SMYD4: variants seen among roughly 807,000 people sequenced by gnomAD.
SMYD4 encodes SET and MYND domain containing 4.
In SMYD4, 68 loss-of-function variants were observed where a neutral mutation model predicts 72.8. The observed-to-expected ratio is 0.93, with a 90% CI of 0.77 to 1.14. The LOEUF is 1.14. Ranked by LOEUF, SMYD4 falls within the 50% of genes most tolerant of loss-of-function variation. The pLI, the probability that SMYD4 is intolerant of heterozygous loss-of-function variation, is 0.00. For synonymous variants in SMYD4, 407 were observed against 388.6 expected (o/e 1.05, Z -0.56); for missense variants, 984 against 1,003.7 (o/e 0.98, Z 0.27).
chr17:1,805,704 C>T lies in SMYD4; in HGVS notation c.280-989G>A, dbSNP rs555174340. Among the ~76,000 whole-genome samples, 97 of 151,516 alleles carry T rather than the reference C, an allele frequency of 6.4e-4. 3 individuals are homozygous for T. The highest frequency in any genetic ancestry group is 2.4e-3 in the African/African-American group (97 of 41,246). ...GCGCACGCCTGTAATCCCAGTTACT[C>T]GGGTGGGTGAGGCAGGAGAATTGCT... On this transcript the variant is annotated intron_variant, in intron 3 of 10. Transcript: ENST00000305513.
At chr17:1,803,574 A>G (rs1909880228) in intron 4 of SMYD4, among the ~76,000 whole-genome samples, 1 of 151,886 alleles carries the variant, frequency 6.6e-6, no homozygotes, top group African/African-American at 2.4e-5. Context: ...TCACTGACTC[A>G]CTGCAACATC....
chr17:1,781,702 T>C (rs1216834373), intron 10 of SMYD4: 4 of 232,862 alleles, frequency 1.7e-5, no homozygotes, highest in Non-Finnish European at 3.1e-5. Context: ...GAGACAAGAG[T>C]TTCACTCTTG....
intron 2 of SMYD4, among the ~76,000 whole-genome samples, chr17:1,819,702 A>T (rs975326212): frequency 1.3e-5 from 2 of 152,164 alleles, no homozygotes; most frequent in Non-Finnish European, 2.9e-5. Context: ...ATTAGCTGGC[A>T]ATCTTTGGTA....
At position 1,786,893 on chromosome 17, in the gene SMYD4, C is replaced by A. The variant is rs1215155914; in HGVS notation, c.1801G>T (p.Ala601Ser). Reference sequence around the variant, plus strand: ...ATCCTGTGTGCCTCAGTTTGACAAGCTGGACAGGCGCAGTCAAAGAAATAC... The same window carrying A: ...ATCCTGTGTGCCTCAGTTTGACAAGATGGACAGGCGCAGTCAAAGAAATAC... Reference protein sequence around the residue: ...SQYFFDCACPACQTEAHRMAA... With the variant: ...SQYFFDCACPSCQTEAHRMAA... The change falls in exon 7 of 11, where the codon GCT becomes TCT. Residue 601 changes from alanine (A) to serine (S), a missense_variant. Physicochemically the swap from Ala to Ser is moderately conservative, Grantham distance 99. Transcript: ENST00000305513. 6.2e-7 allele frequency: 1 copy of A among 1,614,222 alleles called. No homozygotes were observed.
In SMYD4 at chr17:1,820,655, T is replaced by A. The variant is rs114366916; in HGVS notation, c.134+7206A>T. ...TAAAAACAAACAATAAGCCTGTGAA[T>A]GTGGATAGTGAAGCTATTAAGAATT... On this transcript the variant is annotated intron_variant, in intron 2 of 10. Coordinates refer to ENST00000305513, the MANE Select transcript of SMYD4 (RefSeq NM_052928.3). 3.2e-3 allele frequency among the ~76,000 whole-genome samples: 493 copies of A among 152,268 alleles called. 4 individuals carry two copies. The highest frequency in any genetic ancestry group is 0.011 in the African/African-American group (463 of 41,552).
chr17:1,809,337 A>G (rs535780714), intron 3 of SMYD4, among the ~76,000 whole-genome samples: 33 of 152,190 alleles, frequency 2.2e-4, no homozygotes, highest in African/African-American at 7.5e-4. Context: ...AAGCAGGACA[A>G]TAAGAGTCAT....
At chr17:1,789,385 G>A (rs539221690) in intron 5 of SMYD4, among the ~76,000 whole-genome samples, 5 of 149,348 alleles carry the variant, frequency 3.3e-5, no homozygotes, top group East Asian at 2.0e-4. Flanking sequence ...AAACTGTCTC[G>A]CAAAACAAAA....
intron 5 of SMYD4, among the ~76,000 whole-genome samples, chr17:1,789,688 C>G (rs1421504904): frequency 7.2e-6 from 1 of 139,624 alleles, no homozygotes; most frequent in Non-Finnish European, 1.5e-5. Flanking sequence ...TCGCTTGAAA[C>G]TGGGAGGTGG....
At chr17:1,825,215 C>T (rs577114219) in intron 2 of SMYD4, among the ~76,000 whole-genome samples, 3 of 152,218 alleles carry the variant, frequency 2.0e-5, no homozygotes, top group Admixed American at 1.3e-4. Context: ...TTAAATGCTA[C>T]AGAAAAATTG....
chr17:1,811,889 TGTACTCCAGCCTGGGTAACACA>T, intron 3 of SMYD4, 60 bp downstream of exon 3: 1 of 1,490,308 alleles, frequency 6.7e-7, no homozygotes, highest in African/African-American at 1.4e-5. Context: ...ATTATACCAC[TGTACTCCAGCCTGGGTAACACA>T]GCAAGATTCT....
At position 1,787,009 on chromosome 17, in the gene SMYD4, A is replaced by T. The variant is rs35569587; in HGVS notation, c.1721-36T>A. On this transcript the variant is annotated intron_variant, in intron 6 of 10. Transcript: ENST00000305513. ...ATCACCGTCAGCCAATATTGAAAGC[A>T]AGAGAGAGTCAAACACTACGTAAAA... 3 of 1,073,866 alleles carry T rather than the reference A, an allele frequency of 2.8e-6. No individual in the cohort carries two copies. Among genetic ancestry groups the T allele is most frequent in the Non-Finnish European group, 4.0e-6 (3 of 744,368 alleles). The allele number at this position is 1,073,866 out of a possible 1,614,324, so 66.5% of individuals were successfully genotyped here. A position where few individuals can be genotyped will look rare whatever the true frequency, so the allele number is the denominator to read the frequency against.
chr17:1,806,176 C>T (rs1172941505), intron 3 of SMYD4, among the ~76,000 whole-genome samples: 4 of 151,984 alleles, frequency 2.6e-5, no homozygotes, highest in Non-Finnish European at 4.4e-5. Context: ...CCGCTCGCCT[C>T]GGCCTCCCAA....
At chr17:1,819,082 T>G (rs902455125) in intron 2 of SMYD4, among the ~76,000 whole-genome samples, 3 of 151,960 alleles carry the variant, frequency 2.0e-5, no homozygotes, top group East Asian at 3.9e-4. Context: ...TACGGCTGGG[T>G]GTGGTGGCTC....
chr17:1,803,123 C>T (rs1323843413), intron 4 of SMYD4, among the ~76,000 whole-genome samples: 1 of 152,182 alleles, frequency 6.6e-6, no homozygotes, highest in Non-Finnish European at 1.5e-5. Flanking sequence ...GCCTGGGCGA[C>T]AGAGCGAGAC....
intron 3 of SMYD4, among the ~76,000 whole-genome samples, chr17:1,808,127 A>G (rs1910137476): frequency 6.6e-6 from 1 of 152,116 alleles, no homozygotes; most frequent in Admixed American, 6.6e-5. Flanking sequence ...CCCAGCAATT[A>G]CCCTTCTAGG....
intron 5 of SMYD4, among the ~76,000 whole-genome samples, chr17:1,792,145 C>A (rs377748687): frequency 2.6e-5 from 4 of 151,946 alleles, no homozygotes; most frequent in Admixed American, 2.6e-4. Flanking sequence ...TGGGTTCACA[C>A]CATTCTCCTG....
At chr17:1,785,103 CTAG>C (rs1377531955) in intron 7 of SMYD4, among the ~76,000 whole-genome samples, 1 of 148,050 alleles carries the variant, frequency 6.8e-6, no homozygotes, top group Admixed American at 6.7e-5. Flanking sequence ...ACAAACATTT[CTAG>C]TAGTTATGAA....
rs1909674205 is a variant in SMYD4, at chr17:1,800,579, C to T, written c.815G>A (p.Gly272Glu). The change falls in exon 5 of 11, where the codon GGA becomes GAA. Residue 272 changes from glycine to glutamate, a missense_variant. Physicochemically the swap from Gly to Glu is moderately conservative, Grantham distance 98. Coordinates refer to ENST00000305513, the MANE Select transcript of SMYD4 (RefSeq NM_052928.3). ...GCCGTGATGCGGTGGTGGCAGTTCT[C>T]CTGGGTTGAGAACACTCACAAAAGC... ...EDAFVSVLNP[G>E]ELPPPHHGLD... The T allele has an allele frequency of 1.2e-6, 2 of 1,614,086 alleles. No homozygotes were observed. The highest frequency in any genetic ancestry group is 1.7e-6 in the Non-Finnish European group (2 of 1,179,968).
At position 1,787,500 on chromosome 17, in the gene SMYD4, C is replaced by G. The variant is rs768019959; in HGVS notation, c.1642G>C (p.Val548Leu). Residue 548 changes from valine (V) to leucine (L), a missense_variant, in exon 6 of 11, where the codon GTG (valine) becomes CTG (leucine). By Grantham distance (32) the Val-to-Leu change is conservative. Transcript: ENST00000305513. ...LNHSCSPNTS[V>L]SFISTVATIR... is the part of the protein sequence containing the mutation. ...GTGGCGACAGTGCTAATGAAGGACACGCTGGTGTTGGGGCTACAGGAGTGG... is the reference window on the plus strand; with the variant it reads ...GTGGCGACAGTGCTAATGAAGGACAGGCTGGTGTTGGGGCTACAGGAGTGG... 1 of 1,580,280 alleles carries G rather than the reference C, an allele frequency of 6.3e-7. No homozygotes were observed. Among genetic ancestry groups the G allele is most frequent in the Admixed American group, 1.8e-5 (1 of 54,240 alleles).
Sources: allele counts gnomAD v4.1 joint callset (sites outside exome capture counted in the v4.1 genomes callset), GRCh38; gene constraint gnomAD v4.1.1; transcripts MANE v1.5; gene names NCBI Gene and HGNC (gene_info 2026-07-23, HGNC 2026-07-21).